HNRNPDL: variants seen among roughly 807,000 people sequenced by gnomAD.
HNRNPDL encodes the protein heterogeneous nuclear ribonucleoprotein D like, also known as heterogeneous nuclear ribonucleoprotein D-like.
Under a neutral mutation model 48.0 loss-of-function variants are expected in HNRNPDL, and 18 were observed. The observed-to-expected ratio is 0.38, with a 90% CI of 0.26 to 0.56. HNRNPDL has a LOEUF of 0.56. Ranked by LOEUF, HNRNPDL falls within the 20% of genes least tolerant of loss-of-function variation. The pLI is 0.77. For missense variants in HNRNPDL, 553 were observed against 540.7 expected (o/e 1.02, Z -0.23); for synonymous variants, 306 against 207.3 (o/e 1.48, Z -4.09).
chr4:82,427,364 A>C, intron 4 of HNRNPDL, 60 bp from the exon 5 acceptor site: 2 of 1,530,504 alleles, frequency 1.3e-6, no homozygotes, highest in Non-Finnish European at 8.8e-7. Flanking sequence ...AAATCATTTT[A>C]TTTTTCTCCA....
In HNRNPDL at chr4:82,426,537, C is replaced by G. The variant is rs867380910; in HGVS notation, c.1118G>C (p.Gly373Ala). ...SAYGGDQNYS[G>A]YGGYDYTGYN... ...CCCAGTATAATCATATCCGCCATAG[C>G]CACTATAGTTTTGATCACCACCATA... The change falls in exon 6 of 8, where the codon GGC (glycine) becomes GCC (alanine). Residue 373 changes from glycine (G) to alanine (A), a missense_variant. By Grantham distance (60) the Gly-to-Ala change is moderately conservative. This residue lies in a region of HNRNPDL where 174 missense variants were observed against 204.6 expected (regional missense o/e 0.85). Transcript: ENST00000295470. 1 of 1,612,436 alleles carries G rather than the reference C, an allele frequency of 6.2e-7. No homozygotes were observed. Among genetic ancestry groups the G allele is most frequent in the African/African-American group, 1.3e-5 (1 of 74,990 alleles).
Position 82,429,452 on chromosome 4 carries a change from C to G in HNRNPDL, c.239G>C (p.Arg80Thr). The change falls in exon 1 of 8, where the codon AGG becomes ACG. Residue 80 changes from arginine to threonine, a missense_variant. Transcript: ENST00000295470. ...AGGAAIKGGRRRRPDLFRRHF... is the reference protein window; with the variant it reads ...AGGAAIKGGRTRRPDLFRRHF... Reference sequence around the variant, plus strand: ...GCGGCGGAAGAGATCCGGGCGCCGCCTGCGCCCTCCCTTTATAGCCGCCCC... The same window carrying G: ...GCGGCGGAAGAGATCCGGGCGCCGCGTGCGCCCTCCCTTTATAGCCGCCCC... 4 of 1,606,786 alleles carry G rather than the reference C, an allele frequency of 2.5e-6. No homozygotes were observed. The South Asian group carries it at 3.3e-5, about 13-fold the overall frequency.
chr4:82,424,837 C>T lies in HNRNPDL; in HGVS notation c.*69G>A, dbSNP rs1333238049. The stretch of plus-strand genomic sequence containing the variant: ...TAATCATCTTAGATCAACAGAAGAC[C>T]AATCTTCAATGTCGTCCTGCAAGAT... On this transcript the variant is annotated 3_prime_UTR_variant, in exon 8 of 8. Transcript: ENST00000295470. The T allele has an allele frequency of 6.6e-6, 1 of 152,166 alleles. No homozygotes were observed. The highest frequency in any genetic ancestry group is 1.5e-5 in the Non-Finnish European group (1 of 68,034). The allele number at this position is 152,166 out of a possible 1,614,324, so 9.4% of individuals were successfully genotyped here. A position where few individuals can be genotyped will look rare whatever the true frequency, so the allele number is the denominator to read the frequency against.
rs75978479 is a variant in HNRNPDL, at chr4:82,428,232, T to G, written c.612+46A>C. ...AGCACCATATAACCCCCAGAAAAAT[T>G]TGCAAAACACCACAAAAGCAGCACA... On this transcript the variant is annotated intron_variant, in intron 2 of 7. Transcript: ENST00000295470. 12,051 of 1,607,304 alleles carry G rather than the reference T, an allele frequency of 7.5e-3. 800 individuals are homozygous for G. The African/African-American group carries it at 0.14, about 19-fold the overall frequency.
rs774285156 is a variant in HNRNPDL, at chr4:82,423,380, A to T, written c.*1526T>A. 1.3e-4 allele frequency: 20 copies of T among 152,238 alleles called. No individual in the cohort carries two copies. The highest frequency in any genetic ancestry group is 2.1e-4 in the Non-Finnish European group (14 of 68,052). 9.4% of individuals were successfully genotyped at this position (152,238 alleles called of 1,614,324 possible). ...TTCCATTCCCTAAAGTTGCATGTTG[A>T]ATGAACAGAATCCCTTCTAACAGCC... is the stretch of plus-strand genomic sequence containing the variant. On this transcript the variant is annotated 3_prime_UTR_variant, in exon 8 of 8. Transcript: ENST00000295470.
intron 7 of HNRNPDL, chr4:82,425,823 C>CTT: frequency 2.0e-6 from 1 of 501,270 alleles, no homozygotes; most frequent in Non-Finnish European, 3.5e-6. Flanking sequence ...CAGAAAAACT[C>CTT]TTAAGTTTTT....
intron 2 of HNRNPDL, 35 bp downstream of exon 2, chr4:82,428,243 C>T (rs1160682463): frequency 6.2e-7 from 1 of 1,608,076 alleles, no homozygotes; most frequent in Admixed American, 1.7e-5. Context: ...TGCAAAACAC[C>T]ACAAAAGCAG....
chr4:82,426,674 C>G, intron 5 of HNRNPDL, 41 bp from the exon 6 acceptor site: 1 of 1,547,586 alleles, frequency 6.5e-7, no homozygotes. Flanking sequence ...CAACTTCTGA[C>G]CCCCAATTCT....
Position 82,422,925 on chromosome 4 carries a change from A to C in HNRNPDL, c.*1981T>G, listed in dbSNP as rs1008978700. 49 of 152,336 alleles carry C rather than the reference A, an allele frequency of 3.2e-4. No homozygotes were observed. Among genetic ancestry groups the C allele is most frequent in the African/African-American group, 1.1e-3 (45 of 41,568 alleles). The allele number at this position is 152,336 out of a possible 1,614,324, so 9.4% of individuals were successfully genotyped here. On this transcript the variant is annotated 3_prime_UTR_variant, in exon 8 of 8. Coordinates refer to ENST00000295470, the MANE Select transcript of HNRNPDL (RefSeq NM_031372.4). ...AAACTTGTCCAATTACTTTGTTCTA[A>C]ATTAATCCTTGGGAACGAGATCTTG...
chr4:82,427,171 T>A lies in HNRNPDL; in HGVS notation c.1021+19A>T. 1 of 1,481,222 alleles carries A rather than the reference T, an allele frequency of 6.8e-7. No homozygotes were observed. The allele number at this position is 1,481,222 out of a possible 1,614,324, so 91.8% of individuals were successfully genotyped here. On this transcript the variant is annotated intron_variant, in intron 5 of 7. Coordinates refer to ENST00000295470, the MANE Select transcript of HNRNPDL (RefSeq NM_031372.4). ...GCTTAAATAAACCACGGAGTCATAT[T>A]TCAAGAATTAAGTCTCACCTCGGCC...
At chr4:82,428,218 ACC>A (rs760274506) in intron 2 of HNRNPDL, 39 bp from the exon 3 acceptor site, 5 of 1,607,884 alleles carry the variant, frequency 3.1e-6, no homozygotes, top group Non-Finnish European at 4.3e-6. Flanking sequence ...GCACCATATA[ACC>A]CCCAGAAAAA....
In HNRNPDL at chr4:82,426,470, G is replaced by A. The variant is rs1159535982; in HGVS notation, c.1185C>T (p.Asp395=). 6.2e-7 allele frequency: 1 copy of A among 1,608,968 alleles called. No individual in the cohort carries two copies. Among genetic ancestry groups the A allele is most frequent in the African/African-American group, 1.3e-5 (1 of 74,944 alleles). The change falls in exon 6 of 8, where the codon GAC becomes GAT. Residue 395 remains aspartate (D), a synonymous_variant. Coordinates refer to ENST00000295470, the MANE Select transcript of HNRNPDL (RefSeq NM_031372.4). The part of the protein sequence containing the change: ...GNYGYGQGYA[D]YSGQQSTYGK... Reference sequence around the variant, plus strand: ...TAAGTTAAATATTCTTACCACTGTAGTCTGCATATCCCTGTCCATATCCAT... The same window carrying A: ...TAAGTTAAATATTCTTACCACTGTAATCTGCATATCCCTGTCCATATCCAT...
chr4:82,425,260 C>T (rs1289077834), intron 7 of HNRNPDL: 4 of 152,106 alleles, frequency 2.6e-5, no homozygotes, highest in African/African-American at 9.7e-5. Flanking sequence ...TAATTTATAT[C>T]CCAGATTTAA....
Position 82,429,443 on chromosome 4 carries a change from G to T in HNRNPDL, c.248C>A (p.Pro83Gln), listed in dbSNP as rs201774571. 9.3e-6 allele frequency: 15 copies of T among 1,609,924 alleles called. No individual in the cohort carries two copies. In the African/African-American group the frequency reaches 9.4e-5, roughly 10 times the overall value. The change falls in exon 1 of 8, where the codon CCG (proline) becomes CAG (glutamine). Residue 83 changes from proline (P) to glutamine (Q), a missense_variant. Physicochemically the swap from Pro to Gln is moderately conservative, Grantham distance 76. Around this residue, in one of 4 missense-constraint regions of HNRNPDL, gnomAD observed 327 missense variants for 203.2 expected, o/e 1.61. Coordinates refer to ENST00000295470, the MANE Select transcript of HNRNPDL (RefSeq NM_031372.4). Reference protein sequence around the residue: ...AAIKGGRRRRPDLFRRHFKSS... With the variant: ...AAIKGGRRRRQDLFRRHFKSS... ...TTTAAAATGGCGGCGGAAGAGATCCGGGCGCCGCCTGCGCCCTCCCTTTAT... is the reference window on the plus strand; with the variant it reads ...TTTAAAATGGCGGCGGAAGAGATCCTGGCGCCGCCTGCGCCCTCCCTTTAT...
At chr4:82,426,173 A>G in intron 6 of HNRNPDL, 44 bp from the exon 7 acceptor site, 2 of 1,510,762 alleles carry the variant, frequency 1.3e-6, no homozygotes, top group Middle Eastern at 1.7e-4. Flanking sequence ...GTTTTCTACA[A>G]AACTTTCTTT....
In HNRNPDL at chr4:82,424,619, G is replaced by C. The variant is rs1046666707; in HGVS notation, c.*287C>G. ...ACAGAGCTATGTAGTACCTGACGCA[G>C]AAAAGCAATCACATAAGGAAGCATT... On this transcript the variant is annotated 3_prime_UTR_variant, in exon 8 of 8. Transcript: ENST00000295470. The C allele has an allele frequency of 2.6e-5, 4 of 152,612 alleles. No individual in the cohort carries two copies. Among genetic ancestry groups the C allele is most frequent in the African/African-American group, 9.7e-5 (4 of 41,450 alleles). The allele number at this position is 152,612 out of a possible 1,614,324, so 9.5% of individuals were successfully genotyped here. A position where few individuals can be genotyped will look rare whatever the true frequency, so the allele number is the denominator to read the frequency against.
intron 1 of HNRNPDL, 41 bp from the exon 2 acceptor site, chr4:82,428,487 CAA>C: frequency 6.9e-7 from 1 of 1,455,428 alleles, no homozygotes; most frequent in Non-Finnish European, 9.5e-7. Flanking sequence ...AACAATAACT[CAA>C]ATGATCCTTC....
chr4:82,427,279 T>C lies in HNRNPDL; in HGVS notation c.932A>G (p.Lys311Arg), dbSNP rs201341336. 4 of 1,605,688 alleles carry C rather than the reference T, an allele frequency of 2.5e-6. No individual in the cohort carries two copies. The African/African-American group carries it at 4.0e-5, about 16-fold the overall frequency. ...TTGCTGTTGCTGCCTATATACCTCTTTGGGTTGTGCAACTTTGATTTCACA... is the reference window on the plus strand; with the variant it reads ...TTGCTGTTGCTGCCTATATACCTCTCTGGGTTGTGCAACTTTGATTTCACA... ...GKCEIKVAQPKEVYRQQQQQQ... is the reference protein window; with the variant it reads ...GKCEIKVAQPREVYRQQQQQQ... The change falls in exon 5 of 8, where the codon AAA becomes AGA. Residue 311 changes from lysine (K) to arginine (R), a missense_variant. By Grantham distance (26) the Lys-to-Arg change is conservative. Transcript: ENST00000295470.
In HNRNPDL at chr4:82,429,619, G is replaced by T; in HGVS notation, c.72C>A (p.Ser24=). Residue 24 remains serine (S), a synonymous_variant, in exon 1 of 8, where the codon TCC becomes TCA. Transcript: ENST00000295470. ...LFPSAPATLA[S]RSLSHWRPRP... is the part of the protein sequence containing the mutation. ...GCGGCCGCCAATGGGAGAGGCTGCG[G>T]GAGGCTAAAGTAGCGGGAGCGGAGG... The T allele has an allele frequency of 7.2e-7, 1 of 1,381,134 alleles. No individual in the cohort carries two copies. Among genetic ancestry groups the T allele is most frequent in the Non-Finnish European group, 9.3e-7 (1 of 1,070,270 alleles). 85.6% of individuals were successfully genotyped at this position (1,381,134 alleles called of 1,614,324 possible).
Sources: gnomAD v4.1 joint callset for allele counts on GRCh38, gnomAD v4.1.1 for gene constraint, gnomAD v4.1.1 regional missense constraint, MANE v1.5 for transcripts, NCBI Gene and HGNC (gene_info 2026-07-23, HGNC 2026-07-21) for gene names.